The following ITPK1 variants were observed in gnomAD, a reference collection of about 807,000 sequenced individuals.
ITPK1 encodes inositol-tetrakisphosphate 1-kinase.
A neutral mutation model predicts 45.3 loss-of-function variants in ITPK1; 21 were observed. The ratio of observed to expected loss-of-function variants is 0.46; its 90% CI spans 0.33 to 0.67. The LOEUF (loss-of-function observed/expected upper bound fraction) is 0.67, where lower values mean the gene tolerates loss of function less well. Ranked by LOEUF, ITPK1 falls within the 30% of genes least tolerant of loss-of-function variation. The pLI, the probability that ITPK1 is intolerant of heterozygous loss-of-function variation, is 0.02. For synonymous variants in ITPK1, 258 were observed against 253.6 expected (o/e 1.02, Z -0.16); for missense variants, 474 against 573.5 (o/e 0.83, Z 1.77).
rs572730943 is a variant in ITPK1, at chr14:93,061,555, C to T, written c.120+15040G>A. Reference sequence around the variant, plus strand: ...TGAGAGAGAAATGAGTTGCTGTATGCGTGCCTGGTGCACAGGTGATAACAC... The same window carrying T: ...TGAGAGAGAAATGAGTTGCTGTATGTGTGCCTGGTGCACAGGTGATAACAC... On this transcript the variant is annotated intron_variant, in intron 3 of 10. Coordinates refer to ENST00000267615, the MANE Select transcript of ITPK1 (RefSeq NM_014216.6). Among the ~76,000 whole-genome samples the T allele has an allele frequency of 5.6e-4, 86 of 152,252 alleles. 1 individual carries two copies. In the Middle Eastern group the frequency reaches 0.01, roughly 18 times the overall value.
At chr14:93,077,866 C>T (rs979818817) in intron 2 of ITPK1, among the ~76,000 whole-genome samples, 8 of 152,278 alleles carry the variant, frequency 5.3e-5, no homozygotes, top group East Asian at 1.9e-4. Context: ...GCCACCAGGA[C>T]CTGCAGGGAC....
rs1222650058 is a variant in ITPK1 at position 93,038,737 on chromosome 14, G to A, written c.121-21936C>T. On this transcript the variant is annotated intron_variant, in intron 3 of 10. Transcript: ENST00000267615. Reference sequence around the variant, plus strand: ...GAGATGGGTTTCACCATGTTGGCCAGGCTGGTCTGGAACTCCTGACCTCAA... The same window carrying A: ...GAGATGGGTTTCACCATGTTGGCCAAGCTGGTCTGGAACTCCTGACCTCAA... Among the ~76,000 whole-genome samples, 6 of 152,298 alleles carry A rather than the reference G, an allele frequency of 3.9e-5. No homozygotes were observed. The East Asian group carries it at 1.2e-3, about 29-fold the overall frequency.
chr14:93,031,712 G>A (rs1217139737), intron 3 of ITPK1, among the ~76,000 whole-genome samples: 1 of 152,144 alleles, frequency 6.6e-6, no homozygotes, highest in East Asian at 1.9e-4. Flanking sequence ...GTGGGATTCC[G>A]ACTTCATGTC....
chr14:93,083,328 G>A (rs527615082), intron 2 of ITPK1, among the ~76,000 whole-genome samples: 5 of 152,264 alleles, frequency 3.3e-5, no homozygotes, highest in Admixed American at 2.6e-4. Context: ...GTGCTGCTGA[G>A]CCGCTCGGGG....
chr14:93,088,344 T>TTG (rs1334658389), intron 2 of ITPK1, among the ~76,000 whole-genome samples: 35 of 147,046 alleles, frequency 2.4e-4, no homozygotes, highest in African/African-American at 8.1e-4. Flanking sequence ...TTGTTTTGTT[T>TTG]TTTTTTTTTT....
chr14:93,065,497 G>T (rs1168495403), intron 3 of ITPK1, among the ~76,000 whole-genome samples: 1 of 152,188 alleles, frequency 6.6e-6, no homozygotes, highest in African/African-American at 2.4e-5. Context: ...AACTCTATGA[G>T]ACTGGGTCCA....
In ITPK1 at chr14:92,958,249, T is replaced by C. The variant is rs1884849432; in HGVS notation, c.622A>G (p.Thr208Ala). Residue 208 changes from threonine to alanine, a missense_variant, in exon 8 of 11, where the codon ACC becomes GCC. Transcript: ENST00000267615. This position sits in a 1 kb window ranked among gnomAD's most constrained non-coding sequence, Gnocchi z 4.4. ...YKVFVVGESYTVVQRPSLKNF... is the reference protein window; with the variant it reads ...YKVFVVGESYAVVQRPSLKNF... ...TTGAGTGAGGGCCTCTGGACCACGG[T>C]GTAGGACTCGCCAACCACGAACACC... 1 of 1,614,140 alleles carries C rather than the reference T, an allele frequency of 6.2e-7. No homozygotes were observed.
chr14:92,969,551 A>C (rs975349944), intron 5 of ITPK1, among the ~76,000 whole-genome samples: 1 of 152,178 alleles, frequency 6.6e-6, no homozygotes, highest in South Asian at 2.1e-4. Context: ...GGTGGCGCCC[A>C]GGTGCACCCC....
intron 2 of ITPK1, among the ~76,000 whole-genome samples, chr14:93,086,455 C>A (rs552860910): frequency 6.6e-6 from 1 of 152,342 alleles, no homozygotes; most frequent in East Asian, 1.9e-4. Flanking sequence ...CCACAGGCAG[C>A]GAGAGTTTCC....
intron 5 of ITPK1, among the ~76,000 whole-genome samples, chr14:92,969,612 C>A (rs1056193732): frequency 8.5e-5 from 13 of 152,178 alleles, no homozygotes; most frequent in African/African-American, 2.9e-4. Flanking sequence ...TGAGGGACAG[C>A]GACAGCAGGG....
intron 2 of ITPK1, among the ~76,000 whole-genome samples, chr14:93,094,362 G>C (rs1049880934): frequency 1.3e-5 from 2 of 152,156 alleles, no homozygotes; most frequent in Non-Finnish European, 2.9e-5. Flanking sequence ...AGAGGAGGCT[G>C]AGAGGGAACG....
chr14:93,023,670 C>T (rs1317897063), intron 3 of ITPK1, among the ~76,000 whole-genome samples: 1 of 152,124 alleles, frequency 6.6e-6, no homozygotes, highest in Non-Finnish European at 1.5e-5. Context: ...AGGTTGAGAA[C>T]AGGATTTAGC....
intron 9 of ITPK1, among the ~76,000 whole-genome samples, chr14:92,950,979 C>T (rs1887929077): frequency 6.6e-6 from 1 of 152,234 alleles, no homozygotes; most frequent in Non-Finnish European, 1.5e-5. Flanking sequence ...CCTCAGAGGA[C>T]CCTGACACAA....
At chr14:92,965,227 C>T (rs1466148670) in intron 5 of ITPK1, among the ~76,000 whole-genome samples, 1 of 152,222 alleles carries the variant, frequency 6.6e-6, no homozygotes, top group Non-Finnish European at 1.5e-5. Flanking sequence ...CACACAGAAT[C>T]AACCAAGGCA....
intron 3 of ITPK1, among the ~76,000 whole-genome samples, chr14:93,025,233 C>T (rs1888679527): frequency 6.6e-6 from 1 of 152,154 alleles, no homozygotes; most frequent in East Asian, 1.9e-4. Flanking sequence ...CTGGCACTGG[C>T]ACCCCAACCC....
At chr14:93,085,058 T>C (rs563444108) in intron 2 of ITPK1, among the ~76,000 whole-genome samples, 52 of 152,316 alleles carry the variant, frequency 3.4e-4, no homozygotes, top group African/African-American at 1.2e-3. Flanking sequence ...GCTGCCGGGT[T>C]CCTGGGCCAG....
chr14:93,068,224 G>A lies in ITPK1; in HGVS notation c.120+8371C>T, dbSNP rs1357936679. The A allele has an allele frequency of 2.0e-5, 3 of 152,216 alleles. No individual in the cohort carries two copies. In the East Asian group the frequency reaches 5.8e-4, roughly 29 times the overall value. 9.4% of individuals were successfully genotyped at this position (152,216 alleles called of 1,614,324 possible). ...GAGGAAGGAAAAGATCCACAGCCAG[G>A]AAACAGACTCAGAAACTCAAACCCA... On this transcript the variant is annotated intron_variant, in intron 3 of 10. Transcript: ENST00000267615.
intron 5 of ITPK1, among the ~76,000 whole-genome samples, chr14:92,980,557 C>A (rs1231172483): frequency 6.6e-6 from 1 of 152,190 alleles, no homozygotes; most frequent in African/African-American, 2.4e-5. Context: ...GGAATGCCCT[C>A]CCTTCTCATC....
At position 92,972,161 on chromosome 14, in the gene ITPK1, G is replaced by A. The variant is rs560519844; in HGVS notation, c.365-9312C>T. On this transcript the variant is annotated intron_variant, in intron 5 of 10. Transcript: ENST00000267615. Reference sequence around the variant, plus strand: ...TCCCAGCAAGGCGTCCATGCCCCGCGAGTGAAGCCCACAGCCTTTCCAGGC... The same window carrying A: ...TCCCAGCAAGGCGTCCATGCCCCGCAAGTGAAGCCCACAGCCTTTCCAGGC... Among the ~76,000 whole-genome samples, 20 of 152,302 alleles carry A rather than the reference G, an allele frequency of 1.3e-4. No individual in the cohort carries two copies. The South Asian group carries it at 2.7e-3, about 20-fold the overall frequency.
Sources: gnomAD v4.1 joint callset for allele counts (sites outside exome capture counted in the v4.1 genomes callset) on GRCh38, gnomAD v4.1.1 for gene constraint, Gnocchi (gnomAD v3.1) non-coding constraint, MANE v1.5 for transcripts, NCBI Gene and HGNC (gene_info 2026-07-23, HGNC 2026-07-21) for gene names.